The following TCF7L2 variants were observed in gnomAD, a reference collection of about 807,000 sequenced individuals.
TCF7L2 encodes the protein transcription factor 7-like 2.
In TCF7L2, 23 loss-of-function variants were observed where a neutral mutation model predicts 77.9. That is an observed-to-expected ratio of 0.30 (90% confidence interval 0.21 to 0.42). The LOEUF (loss-of-function observed/expected upper bound fraction) is 0.42. TCF7L2 is among the 10% of genes least tolerant of loss of function. TCF7L2 has a pLI of 1.00. For synonymous variants in TCF7L2, 413 were observed against 340.2 expected, an observed-to-expected ratio of 1.21 and a Z score of -2.36; for missense variants, 654 against 793.1, an observed-to-expected ratio of 0.82 and a Z score of 2.11.
intron 3 of TCF7L2, among the ~76,000 whole-genome samples, chr10:112,959,857 A>T (rs2034611747): frequency 6.6e-6 from 1 of 151,956 alleles, no homozygotes; most frequent in Admixed American, 6.6e-5. Flanking sequence ...TAGGTATACT[A>T]AAAAAAAGTA....
chr10:112,976,350 A>G (rs552945019), intron 4 of TCF7L2, among the ~76,000 whole-genome samples: 1 of 152,248 alleles, frequency 6.6e-6, no homozygotes, highest in Non-Finnish European at 1.5e-5. Flanking sequence ...AACTTGGACT[A>G]TCTTTGCTGT....
chr10:113,094,682 C>T (rs2060756061), intron 5 of TCF7L2, among the ~76,000 whole-genome samples: 1 of 152,222 alleles, frequency 6.6e-6, no homozygotes, highest in Admixed American at 6.5e-5. Context: ...TATACATGCA[C>T]TTGTTTTCTG....
chr10:112,958,122 C>T (rs568359083), intron 3 of TCF7L2, among the ~76,000 whole-genome samples: 1 of 152,172 alleles, frequency 6.6e-6, no homozygotes, highest in African/African-American at 2.4e-5. Context: ...GGTTATCAGC[C>T]GAGGTGTTCT....
At chr10:113,101,842 CAA>C (rs71007412) in intron 5 of TCF7L2, among the ~76,000 whole-genome samples, 3 of 45,990 alleles carry the variant, frequency 6.5e-5, no homozygotes, top group Admixed American at 3.0e-4. Flanking sequence ...GACTCCGTCT[CAA>C]AAAAAAAAAA....
Position 112,970,634 on chromosome 10 carries a change from C to T in TCF7L2, c.450+6010C>T, listed in dbSNP as rs146547979. 2.9e-3 allele frequency among the ~76,000 whole-genome samples: 439 copies of T among 152,144 alleles called. 6 individuals carry two copies. The highest frequency in any genetic ancestry group is 9.9e-3 in the African/African-American group (411 of 41,526). The stretch of plus-strand genomic sequence containing the variant: ...GAGCATGGCCAGAAATTAGTACCAG[C>T]GGACTGGCCCAGCATTGAAGAATGA... On this transcript the variant is annotated intron_variant, in intron 4 of 13. Transcript: ENST00000627217.
chr10:113,160,829 A>T (rs996642611), intron 13 of TCF7L2: 2 of 793,348 alleles, frequency 2.5e-6, no homozygotes, highest in African/African-American at 3.6e-5. Flanking sequence ...CATTCTTCAA[A>T]ATTTCCTTGC....
intron 4 of TCF7L2, among the ~76,000 whole-genome samples, chr10:112,989,561 C>T (rs540586957): frequency 2.6e-5 from 4 of 152,188 alleles, no homozygotes; most frequent in South Asian, 2.1e-4. Flanking sequence ...TGAGAGTTTG[C>T]GGCTTCATCT....
chr10:113,025,383 C>A (rs371912091), intron 4 of TCF7L2, among the ~76,000 whole-genome samples: 3 of 151,996 alleles, frequency 2.0e-5, no homozygotes, highest in East Asian at 3.9e-4. Flanking sequence ...GGATTATAGG[C>A]GTGTGCCACC....
Position 112,990,191 on chromosome 10 carries a change from A to T in TCF7L2, c.450+25567A>T, listed in dbSNP as rs118174754. ...TAGCAGTGGGGACCAGGAGTGTTTT[A>T]TTAGTGATTGTCCTCCTGCAAGTTT... On this transcript the variant is annotated intron_variant, in intron 4 of 13. Coordinates refer to ENST00000627217, the MANE Select transcript of TCF7L2 (RefSeq NM_001146274.2). Among the ~76,000 whole-genome samples, 625 of 152,314 alleles carry T rather than the reference A, an allele frequency of 4.1e-3. 13 individuals carry two copies. Among genetic ancestry groups the T allele is most frequent in the South Asian group, 0.025 (120 of 4,822 alleles).
intron 11 of TCF7L2, 195 bp from the exon 12 acceptor site, chr10:113,157,826 G>T (rs1195333504): frequency 3.6e-6 from 2 of 558,620 alleles, no homozygotes; most frequent in Non-Finnish European, 6.4e-6. Flanking sequence ...AGAAGCGTGT[G>T]TCCCTCCAGC....
chr10:113,014,356 A>G (rs1682510280), intron 4 of TCF7L2, among the ~76,000 whole-genome samples: 1 of 152,158 alleles, frequency 6.6e-6, no homozygotes, highest in Admixed American at 6.5e-5. Flanking sequence ...TGATTTAGAC[A>G]GTTTGGTGGT....
intron 5 of TCF7L2, among the ~76,000 whole-genome samples, chr10:113,079,388 G>A (rs1195040960): frequency 6.6e-6 from 1 of 152,214 alleles, no homozygotes; most frequent in East Asian, 1.9e-4. Flanking sequence ...GCCCGGGCCA[G>A]CAGCTTTATA....
chr10:113,123,990 G>T (rs1360386642), intron 5 of TCF7L2, among the ~76,000 whole-genome samples: 1 of 152,182 alleles, frequency 6.6e-6, no homozygotes, highest in East Asian at 1.9e-4. Context: ...ATGTTTGTAT[G>T]TATGTTTGAG....
chr10:113,061,427 A>C (rs1008636814), intron 5 of TCF7L2, among the ~76,000 whole-genome samples: 3 of 152,190 alleles, frequency 2.0e-5, no homozygotes, highest in Non-Finnish European at 4.4e-5. Flanking sequence ...TCCTTAATTT[A>C]AGGGAACAGC....
At chr10:113,131,059 C>T (rs1270723576) in intron 5 of TCF7L2, among the ~76,000 whole-genome samples, 1 of 152,148 alleles carries the variant, frequency 6.6e-6, no homozygotes, top group Non-Finnish European at 1.5e-5. Context: ...AGCCACCGTG[C>T]CCGGCCGGAG....
At chr10:112,986,141 G>A (rs1031398822) in intron 4 of TCF7L2, among the ~76,000 whole-genome samples, 2 of 151,992 alleles carry the variant, frequency 1.3e-5, no homozygotes, top group South Asian at 4.2e-4. Flanking sequence ...GGGTACTCAG[G>A]CTCTGGTCAA....
chr10:113,068,781 A>G (rs1200464270), intron 5 of TCF7L2, among the ~76,000 whole-genome samples: 1 of 151,602 alleles, frequency 6.6e-6, no homozygotes. Context: ...CTGTACTTGT[A>G]CCTTCATTCT....
chr10:113,147,937 A>C (rs1045224620), intron 8 of TCF7L2, among the ~76,000 whole-genome samples: 2 of 152,192 alleles, frequency 1.3e-5, no homozygotes, highest in African/African-American at 4.8e-5. Context: ...CCGACTCCCC[A>C]GGTAGGCCAA....
chr10:113,123,066 A>G (rs571570783), intron 5 of TCF7L2, among the ~76,000 whole-genome samples: 1 of 152,364 alleles, frequency 6.6e-6, no homozygotes, highest in Admixed American at 6.5e-5. Context: ...AGTTAGGATC[A>G]AAGGCGCTTG....
Sources: allele counts gnomAD v4.1 joint callset (sites outside exome capture counted in the v4.1 genomes callset), GRCh38; gene constraint gnomAD v4.1.1; transcripts MANE v1.5; gene names NCBI Gene and HGNC (gene_info 2026-07-23, HGNC 2026-07-21).